CNTN5: variants seen among roughly 807,000 people sequenced by gnomAD.
CNTN5 encodes contactin-5.
CNTN5 carries 77 observed loss-of-function variants against 129.1 expected under a neutral mutation model. That is an observed-to-expected ratio of 0.60 (90% CI 0.50 to 0.72). The LOEUF is 0.72. Among genes scored for constraint, CNTN5 ranks in the 30% least tolerant of loss-of-function variants. The probability of loss-of-function intolerance (pLI) is 0.00; values close to 1 mark genes in which losing one functional copy is unlikely to be tolerated. For missense variants in CNTN5, 1,478 were observed against 1,328.8 expected, an observed-to-expected ratio of 1.11 and a Z score of -1.75; for synonymous variants, 509 against 465.6, an observed-to-expected ratio of 1.09 and a Z score of -1.20.
At chr11:99,627,624 G>A (rs1951178320) in intron 3 of CNTN5, among the ~76,000 whole-genome samples, 1 of 152,022 alleles carries the variant, frequency 6.6e-6, no homozygotes, top group Admixed American at 6.6e-5. Flanking sequence ...TAAGGAGAAT[G>A]AGCTGGTTAC....
rs1267475156 is a variant in CNTN5 at position 100,299,308 on chromosome 11, T to C, written c.2532T>C (p.Leu844=). The change falls in exon 20 of 25, where the codon CTT becomes CTC. Residue 844 remains leucine, a synonymous_variant. Coordinates refer to ENST00000524871, the MANE Select transcript of CNTN5 (RefSeq NM_014361.4). ...FIYRDESVPP[L]TPFEVKVGVY... is the part of the protein sequence containing the mutation. Reference sequence around the variant, plus strand: ...ATCGAGATGAAAGTGTCCCTCCTCTTACTCCCTTTGAAGTGAAAGTTGGCG... The same window carrying C: ...ATCGAGATGAAAGTGTCCCTCCTCTCACTCCCTTTGAAGTGAAAGTTGGCG... 3.7e-6 allele frequency: 6 copies of C among 1,610,648 alleles called. No individual in the cohort carries two copies. The Admixed American group carries it at 6.7e-5, about 18-fold the overall frequency.
intron 6 of CNTN5, among the ~76,000 whole-genome samples, chr11:99,854,158 T>C (rs1947961266): frequency 1.3e-5 from 2 of 152,182 alleles, no homozygotes; most frequent in Admixed American, 6.5e-5. Context: ...CATATAAATT[T>C]CCTTGCCTAC....
intron 1 of CNTN5, among the ~76,000 whole-genome samples, chr11:99,023,445 C>T (rs1862975082): frequency 6.6e-6 from 1 of 152,044 alleles, no homozygotes; most frequent in Non-Finnish European, 1.5e-5. Context: ...CCAGAGGGTG[C>T]CAGTAAAGGG....
chr11:99,532,615 T>C (rs1209538572), intron 2 of CNTN5, among the ~76,000 whole-genome samples: 3 of 152,172 alleles, frequency 2.0e-5, no homozygotes, highest in African/African-American at 7.2e-5. Context: ...AATGGAATCA[T>C]GGTGGCCAGT....
At chr11:99,379,479 A>G (rs992370086) in intron 2 of CNTN5, among the ~76,000 whole-genome samples, 3 of 152,184 alleles carry the variant, frequency 2.0e-5, no homozygotes, top group Non-Finnish European at 4.4e-5. Flanking sequence ...CCATTTGAAA[A>G]TGAATAAAAT....
At chr11:99,578,229 T>C (rs1949433229) in intron 3 of CNTN5, among the ~76,000 whole-genome samples, 1 of 152,066 alleles carries the variant, frequency 6.6e-6, no homozygotes, top group African/African-American at 2.4e-5. Context: ...AGTCTATCAT[T>C]GTTGGACATT....
chr11:100,177,553 C>T (rs2138435434), intron 13 of CNTN5, among the ~76,000 whole-genome samples: 1 of 152,220 alleles, frequency 6.6e-6, no homozygotes, highest in African/African-American at 2.4e-5. Context: ...TCTCCACTTC[C>T]AGCCATTCAG....
chr11:100,098,250 G>A (rs982149986), intron 13 of CNTN5, among the ~76,000 whole-genome samples: 5 of 152,008 alleles, frequency 3.3e-5, no homozygotes, highest in African/African-American at 9.7e-5. Context: ...ACATCAGACT[G>A]TAAAGCAAAT....
intron 12 of CNTN5, among the ~76,000 whole-genome samples, chr11:100,072,172 A>G (rs1369864897): frequency 1.3e-5 from 2 of 152,208 alleles, no homozygotes; most frequent in African/African-American, 2.4e-5. Context: ...AGATCAGAAT[A>G]TAGAATTCCA....
chr11:100,149,932 C>T (rs1231164163), intron 13 of CNTN5, among the ~76,000 whole-genome samples: 1 of 150,500 alleles, frequency 6.6e-6, no homozygotes, highest in Non-Finnish European at 1.5e-5. Context: ...AAAAAAATCT[C>T]ATGGGGTAGA....
At position 100,263,100 on chromosome 11, in the gene CNTN5, C is replaced by G. The variant is rs541864452; in HGVS notation, c.2164+7182C>G. On this transcript the variant is annotated intron_variant, in intron 17 of 24. Transcript: ENST00000524871. Reference sequence around the variant, plus strand: ...TCTCTCTCCAAATGTGGCTGTCCAGCAGGGATATGTAAAATCACACTTACT... The same window carrying G: ...TCTCTCTCCAAATGTGGCTGTCCAGGAGGGATATGTAAAATCACACTTACT... Among the ~76,000 whole-genome samples the G allele has an allele frequency of 7.8e-4, 118 of 152,162 alleles. 1 individual carries two copies. The highest frequency in any genetic ancestry group is 2.8e-3 in the African/African-American group (115 of 41,528).
At chr11:100,046,519 G>T (rs936007956) in intron 9 of CNTN5, among the ~76,000 whole-genome samples, 3 of 151,888 alleles carry the variant, frequency 2.0e-5, no homozygotes, top group Admixed American at 1.3e-4. Context: ...GACATATGTA[G>T]TTATTTGTGA....
chr11:99,809,253 AAC>A (rs1486503981), intron 3 of CNTN5, among the ~76,000 whole-genome samples: 1 of 152,174 alleles, frequency 6.6e-6, no homozygotes, highest in African/African-American at 2.4e-5. Context: ...TTTTCGCTAA[AAC>A]AAATTGTGAG....
chr11:99,844,695 CAA>C, intron 4 of CNTN5, 155 bp from the exon 5 acceptor site: 1 of 637,386 alleles, frequency 1.6e-6, no homozygotes, highest in Non-Finnish European at 2.7e-6. Flanking sequence ...TTTAATAAAA[CAA>C]TGCAGTTTTC....
chr11:99,328,064 A>G (rs1460451502), intron 2 of CNTN5, among the ~76,000 whole-genome samples: 1 of 152,244 alleles, frequency 6.6e-6, no homozygotes, highest in Non-Finnish European at 1.5e-5. Flanking sequence ...ATAAGAATAG[A>G]GTAGAATGTG....
intron 4 of CNTN5, among the ~76,000 whole-genome samples, chr11:99,840,356 A>G (rs988505871): frequency 3.3e-5 from 5 of 152,196 alleles, no homozygotes; most frequent in Non-Finnish European, 5.9e-5. Context: ...CCATGGGAAG[A>G]TACATAAGTA....
At chr11:99,817,336 G>A (rs1446269601) in intron 3 of CNTN5, among the ~76,000 whole-genome samples, 1 of 152,192 alleles carries the variant, frequency 6.6e-6, no homozygotes, top group Non-Finnish European at 1.5e-5. Context: ...CATAACAAAG[G>A]AAGACCTGGC....
chr11:99,294,075 T>G (rs1864283597), intron 1 of CNTN5, among the ~76,000 whole-genome samples: 1 of 152,098 alleles, frequency 6.6e-6, no homozygotes, highest in Non-Finnish European at 1.5e-5. Context: ...TAGTACTGCT[T>G]TTGTTGTATC....
intron 1 of CNTN5, among the ~76,000 whole-genome samples, chr11:99,131,249 G>GAAAAAAAAAAAAAAA (rs71046664): frequency 4.5e-5 from 3 of 67,182 alleles, no homozygotes; most frequent in African/African-American, 7.3e-5. Context: ...CTCCATCTCA[G>GAAAAAAAAAAAAAAA]AAAAAAAAAA....
Sources: gnomAD v4.1 joint callset for allele counts (sites outside exome capture counted in the v4.1 genomes callset) on GRCh38, gnomAD v4.1.1 for gene constraint, MANE v1.5 for transcripts, NCBI Gene and HGNC (gene_info 2026-07-23, HGNC 2026-07-21) for gene names.